GLT8D2: variants seen among roughly 807,000 people sequenced by gnomAD.
GLT8D2 encodes the protein glycosyltransferase 8 domain containing 2.
A neutral mutation model predicts 44.5 loss-of-function variants in GLT8D2; 45 were observed. That is an observed-to-expected ratio of 1.01 (90% CI 0.80 to 1.30). GLT8D2 has a LOEUF of 1.30. Among genes scored for constraint, GLT8D2 ranks in the 50% most tolerant of loss-of-function variants. GLT8D2 has a pLI of 0.00. For missense variants in GLT8D2, 400 were observed against 430.4 expected (o/e 0.93, Z 0.62); for synonymous variants, 156 against 157.2 (o/e 0.99, Z 0.06).
At chr12:104,025,393 G>A (rs896226508) in intron 1 of GLT8D2, among the ~76,000 whole-genome samples, 11 of 151,902 alleles carry the variant, frequency 7.2e-5, no homozygotes, top group African/African-American at 2.4e-4. Flanking sequence ...ATTTTTTGTA[G>A]AGATGGGGTT....
chr12:104,018,487 T>C (rs1036806363), intron 3 of GLT8D2, among the ~76,000 whole-genome samples: 1 of 152,130 alleles, frequency 6.6e-6, no homozygotes, highest in Non-Finnish European at 1.5e-5. Flanking sequence ...GACAATCAGA[T>C]ACTAGACTCC....
At chr12:104,038,906 T>A (rs1435800854) in intron 1 of GLT8D2, among the ~76,000 whole-genome samples, 1 of 152,164 alleles carries the variant, frequency 6.6e-6, no homozygotes, top group Admixed American at 6.5e-5. Flanking sequence ...ACTAAAAGGC[T>A]ACAGTAACCA....
intron 4 of GLT8D2, among the ~76,000 whole-genome samples, chr12:104,013,562 T>C (rs1341650614): frequency 6.6e-6 from 1 of 152,220 alleles, no homozygotes; most frequent in Non-Finnish European, 1.5e-5. Context: ...GATTCCATGT[T>C]CATTTAGATC....
intron 1 of GLT8D2, among the ~76,000 whole-genome samples, chr12:104,029,226 G>A (rs1180757031): frequency 6.6e-6 from 1 of 152,146 alleles, no homozygotes; most frequent in Non-Finnish European, 1.5e-5. Flanking sequence ...GAAGGCTGAG[G>A]TTGCAGTGAG....
upstream of GLT8D2, among the ~76,000 whole-genome samples, chr12:104,053,840 C>T (rs1018307427): frequency 7.9e-5 from 12 of 151,482 alleles, no homozygotes; most frequent in African/African-American, 2.7e-4. Flanking sequence ...GCTGAGATTG[C>T]GCCACTGCAC....
chr12:104,043,896 T>A (rs982672863), intron 1 of GLT8D2, among the ~76,000 whole-genome samples: 2 of 152,198 alleles, frequency 1.3e-5, no homozygotes, highest in African/African-American at 2.4e-5. Context: ...GATCCAGAAT[T>A]TTTACCACCT....
intron 4 of GLT8D2, among the ~76,000 whole-genome samples, chr12:104,008,860 C>T (rs1376049602): frequency 6.6e-6 from 1 of 152,240 alleles, no homozygotes; most frequent in Non-Finnish European, 1.5e-5. Flanking sequence ...GTGCAAGCCC[C>T]AAGCCTTGGC....
At chr12:104,064,423 G>T, upstream of GLT8D2, 1 of 776,200 alleles carries the variant, frequency 1.3e-6, no homozygotes, top group Non-Finnish European at 1.8e-6. The surrounding 1 kb of genome is among the most constrained non-coding windows in gnomAD (Gnocchi z 7.3). Context: ...TCCACTGCCC[G>T]CGGGCCTCCA....
At chr12:104,023,919 T>A (rs1218413658) in intron 1 of GLT8D2, among the ~76,000 whole-genome samples, 3 of 152,198 alleles carry the variant, frequency 2.0e-5, no homozygotes, top group Non-Finnish European at 2.9e-5. Flanking sequence ...TATACCACAG[T>A]TTATCCATTC....
intron 10 of GLT8D2, among the ~76,000 whole-genome samples, chr12:103,991,191 C>CT (rs1390666646): frequency 2.6e-5 from 4 of 152,006 alleles, no homozygotes; most frequent in South Asian, 2.1e-4. Flanking sequence ...GGATATTTCT[C>CT]TTTTTTTTCT....
At chr12:104,021,164 C>T (rs987124333) in intron 2 of GLT8D2, among the ~76,000 whole-genome samples, 193 bp downstream of exon 2, 1 of 152,200 alleles carries the variant, frequency 6.6e-6, no homozygotes, top group East Asian at 1.9e-4. Context: ...CCTTTAACTG[C>T]TGGCAGAGTT....
intron 5 of GLT8D2, among the ~76,000 whole-genome samples, chr12:104,002,515 G>C (rs998742940): frequency 7.2e-5 from 11 of 152,144 alleles, no homozygotes; most frequent in African/African-American, 2.7e-4. Flanking sequence ...TTTTCTGGAT[G>C]ATTTCTGGGC....
chr12:104,019,951 G>A (rs61646543), intron 2 of GLT8D2, among the ~76,000 whole-genome samples: 3,238 of 151,974 alleles, frequency 0.021, 103 homozygotes, highest in East Asian at 0.15. Context: ...ATAGAGTCTC[G>A]CTCCATCACC....
At chr12:104,034,438 A>G (rs774787767) in intron 1 of GLT8D2, among the ~76,000 whole-genome samples, 3 of 152,268 alleles carry the variant, frequency 2.0e-5, no homozygotes, top group Non-Finnish European at 4.4e-5. Flanking sequence ...CTCCCACCCA[A>G]ATACTGCACT....
Position 103,989,229 on chromosome 12 carries a change from TAAAG to T in GLT8D2, c.*175_*178del, listed in dbSNP as rs1872403587. ...GATTTCCATAGTTATCACATGTACT[TAAAG>T]AAGTTAATCAATGCCTATATGGTCC... On this transcript the variant is annotated 3_prime_UTR_variant, in exon 11 of 11. Transcript: ENST00000360814. 1 of 456,166 alleles carries T rather than the reference TAAAG, an allele frequency of 2.2e-6. No individual in the cohort carries two copies. The highest frequency in any genetic ancestry group is 3.9e-5 in the Admixed American group (1 of 25,842). 28.3% of individuals were successfully genotyped at this position (456,166 alleles called of 1,614,324 possible).
chr12:104,012,919 C>T (rs1015500788), intron 4 of GLT8D2: 7 of 619,200 alleles, frequency 1.1e-5, no homozygotes, highest in African/African-American at 7.5e-5. Context: ...AGCAAGAAGG[C>T]GGCCATCTGC....
At chr12:104,026,686 A>C (rs1346897900) in intron 1 of GLT8D2, among the ~76,000 whole-genome samples, 2 of 152,222 alleles carry the variant, frequency 1.3e-5, no homozygotes, top group African/African-American at 2.4e-5. Flanking sequence ...ATCTAAAGTT[A>C]AATATTGTCA....
At chr12:104,032,882 T>TG (rs1364880054) in intron 1 of GLT8D2, among the ~76,000 whole-genome samples, 143 of 151,218 alleles carry the variant, frequency 9.5e-4, no homozygotes, top group African/African-American at 3.4e-3. Context: ...CAGCACTATT[T>TG]TTTTTTTTTT....
chr12:104,021,906 GA>G (rs1593550227), intron 1 of GLT8D2, among the ~76,000 whole-genome samples: 16 of 13,792 alleles, frequency 1.2e-3, no homozygotes, highest in East Asian at 0.056. Flanking sequence ...AGAAGAAGAA[GA>G]AGAAGAAGAA....
Sources: gnomAD v4.1 joint callset for allele counts (sites outside exome capture counted in the v4.1 genomes callset) on GRCh38, gnomAD v4.1.1 for gene constraint, Gnocchi (gnomAD v3.1) non-coding constraint, MANE v1.5 for transcripts, NCBI Gene and HGNC (gene_info 2026-07-23, HGNC 2026-07-21) for gene names.